Variants in PCDHA4 observed in about 807,000 individuals in gnomAD.
The protein encoded by PCDHA4 is protocadherin alpha-4.
In PCDHA4, 49 loss-of-function variants were observed where a neutral mutation model predicts 61.4. The ratio of observed to expected loss-of-function variants is 0.80; its 90% CI spans 0.63 to 1.01. PCDHA4 has a LOEUF of 1.01. Ranked by LOEUF, PCDHA4 falls within the 50% of genes least tolerant of loss-of-function variation. PCDHA4 has a pLI of 0.00. For missense variants in PCDHA4, 1,254 were observed against 1,235.8 expected (o/e 1.01, Z -0.22); for synonymous variants, 590 against 550.3 (o/e 1.07, Z -1.01).
intron 1 of PCDHA4, among the ~76,000 whole-genome samples, chr5:140,879,111 T>A (rs1056977716): frequency 2.0e-4 from 30 of 152,184 alleles, no homozygotes; most frequent in African/African-American, 7.2e-4. Flanking sequence ...ATGGTGTAAT[T>A]GAAGGATTAG....
intron 1 of PCDHA4, among the ~76,000 whole-genome samples, chr5:140,942,409 TAAA>T (rs78736997): frequency 7.0e-6 from 1 of 143,620 alleles, no homozygotes; most frequent in Non-Finnish European, 1.5e-5. Context: ...AGACTCTGTT[TAAA>T]AAAAAAAAAG....
At chr5:140,835,792 C>T in intron 1 of PCDHA4, 6 of 1,613,122 alleles carry the variant, frequency 3.7e-6, no homozygotes, top group African/African-American at 1.3e-5. Context: ...AACAACCCGC[C>T]GGGCTGCCAC....
At chr5:140,987,322 T>G (rs1160600975) in intron 3 of PCDHA4, among the ~76,000 whole-genome samples, 3 of 152,200 alleles carry the variant, frequency 2.0e-5, no homozygotes, top group Non-Finnish European at 4.4e-5. Flanking sequence ...CTGTGAAGTT[T>G]TAAGAACTGG....
At chr5:140,944,718 G>A (rs1554216523) in intron 1 of PCDHA4, among the ~76,000 whole-genome samples, 1 of 152,088 alleles carries the variant, frequency 6.6e-6, no homozygotes, top group East Asian at 1.9e-4. Flanking sequence ...TTTTGCCTTT[G>A]AACACCTTAG....
intron 3 of PCDHA4, among the ~76,000 whole-genome samples, chr5:141,008,000 TA>T (rs2098355741): frequency 6.6e-6 from 1 of 152,264 alleles, no homozygotes; most frequent in Non-Finnish European, 1.5e-5. Context: ...TACATGTTAA[TA>T]AACTTCTGTT....
chr5:140,978,377 G>A (rs1382683424), intron 1 of PCDHA4, among the ~76,000 whole-genome samples: 3 of 152,212 alleles, frequency 2.0e-5, no homozygotes, highest in Non-Finnish European at 4.4e-5. Context: ...GCAATAGTTT[G>A]TTTTCCTCTC....
chr5:140,918,833 G>A (rs2078883719), intron 1 of PCDHA4, among the ~76,000 whole-genome samples: 1 of 152,084 alleles, frequency 6.6e-6, no homozygotes, highest in African/African-American at 2.4e-5. Context: ...CCCCTCCCCA[G>A]ACACTAAATC....
intron 1 of PCDHA4, chr5:140,929,617 A>C: frequency 2.5e-6 from 1 of 401,992 alleles, no homozygotes; most frequent in Non-Finnish European, 4.5e-6. Context: ...AAATACCAAA[A>C]TATTTTATAA....
At chr5:140,968,041 C>T (rs1554230247) in intron 1 of PCDHA4, 1 of 1,614,140 alleles carries the variant, frequency 6.2e-7, no homozygotes, top group Non-Finnish European at 8.5e-7. Context: ...TGGTGAGCGG[C>T]CCACTGGACC....
intron 1 of PCDHA4, chr5:140,836,227 C>G: frequency 6.2e-7 from 1 of 1,613,736 alleles, no homozygotes; most frequent in African/African-American, 1.3e-5. Context: ...CAACCGGTGG[C>G]GGCCGGTGCG....
chr5:140,855,926 G>A lies in PCDHA4; in HGVS notation c.2385+46354G>A, dbSNP rs1420815177. On this transcript the variant is annotated intron_variant, in intron 1 of 3. Transcript: ENST00000530339. ...AGTTTCTCAAGGACTAGGAAGTAGC[G>A]TCATTCTGAGATCTCAGCCATTTCG... is the stretch of plus-strand genomic sequence containing the variant. 2.4e-6 allele frequency: 3 copies of A among 1,256,218 alleles called. 1 individual carries two copies. The highest frequency in any genetic ancestry group is 3.3e-6 in the Non-Finnish European group (3 of 905,286). 77.8% of individuals were successfully genotyped at this position (1,256,218 alleles called of 1,614,324 possible). A position where few individuals can be genotyped will look rare whatever the true frequency, so the allele number is the denominator to read the frequency against.
At chr5:140,827,839 G>A in intron 1 of PCDHA4, 1 of 453,654 alleles carries the variant, frequency 2.2e-6, no homozygotes, top group Non-Finnish European at 3.8e-6. Flanking sequence ...GAGAAAAGAA[G>A]ATACTGTTTT....
intron 1 of PCDHA4, among the ~76,000 whole-genome samples, chr5:140,939,358 A>C (rs1291026920): frequency 1.3e-5 from 2 of 152,172 alleles, no homozygotes; most frequent in Admixed American, 1.3e-4. Flanking sequence ...TTATGATTGC[A>C]AAGGAGGAGG....
chr5:140,877,590 G>A (rs996962116), intron 1 of PCDHA4: 20 of 1,613,708 alleles, frequency 1.2e-5, no homozygotes, highest in Admixed American at 1.7e-5. Flanking sequence ...CCATCTGTGC[G>A]GTGTCCAGCC....
chr5:141,002,841 G>T (rs2098098318), intron 3 of PCDHA4, among the ~76,000 whole-genome samples: 1 of 152,196 alleles, frequency 6.6e-6, no homozygotes, highest in African/African-American at 2.4e-5. Flanking sequence ...CCAGGACTAT[G>T]CACTAGTGAG....
At chr5:140,877,390 G>C in intron 1 of PCDHA4, 1 of 1,613,986 alleles carries the variant, frequency 6.2e-7, no homozygotes, top group Non-Finnish European at 8.5e-7. Flanking sequence ...CCTGGATGAG[G>C]CGGACGCTCC....
chr5:140,814,991 T>C (rs1243130141), intron 1 of PCDHA4: 2 of 152,234 alleles, frequency 1.3e-5, no homozygotes, highest in Admixed American at 1.3e-4. Flanking sequence ...TTTTGTGTGA[T>C]GTAGCTGTTT....
chr5:140,972,152 A>AT (rs1203762947), intron 1 of PCDHA4, among the ~76,000 whole-genome samples: 3 of 151,770 alleles, frequency 2.0e-5, no homozygotes, highest in East Asian at 3.9e-4. Context: ...TTTTATTTTT[A>AT]TTTTTTTGAG....
intron 3 of PCDHA4, among the ~76,000 whole-genome samples, chr5:140,996,816 A>G (rs1587722851): frequency 6.6e-6 from 1 of 152,264 alleles, no homozygotes; most frequent in Non-Finnish European, 1.5e-5. Flanking sequence ...TTCCAAAAGT[A>G]ACCACTACCA....
Sources: allele counts gnomAD v4.1 joint callset (sites outside exome capture counted in the v4.1 genomes callset), GRCh38; gene constraint gnomAD v4.1.1; transcripts MANE v1.5; gene names NCBI Gene and HGNC (gene_info 2026-07-23, HGNC 2026-07-21).